The following GPBP1 variants were observed in gnomAD, a reference collection of about 807,000 sequenced individuals.
GPBP1 encodes the protein vasculin.
In GPBP1, 13 loss-of-function variants were observed where a neutral mutation model predicts 56.5. The observed-to-expected ratio is 0.23, with a 90% CI of 0.15 to 0.37. The LOEUF is 0.37. Among genes scored for constraint, GPBP1 ranks in the 10% least tolerant of loss-of-function variants. GPBP1 has a pLI of 1.00. For missense variants in GPBP1, 477 were observed against 572.3 expected (o/e 0.83, Z 1.70); for synonymous variants, 204 against 188.9 (o/e 1.08, Z -0.66).
intron 2 of GPBP1, among the ~76,000 whole-genome samples, chr5:57,190,722 T>C (rs1401535066): frequency 5.2e-4 from 66 of 126,606 alleles, no homozygotes; most frequent in South Asian, 1.3e-3. Flanking sequence ...TTTTTTTTTT[T>C]CCTGAGACAA....
intron 3 of GPBP1, among the ~76,000 whole-genome samples, chr5:57,214,978 A>G (rs1755643446): frequency 6.6e-6 from 1 of 152,240 alleles, no homozygotes; most frequent in African/African-American, 2.4e-5. Context: ...ATTAGTTAAC[A>G]AGTCAGTTTT....
At position 57,246,333 on chromosome 5, in the gene GPBP1, G is replaced by A. The variant is rs1278263827; in HGVS notation, c.512G>A (p.Arg171Lys). ...YPPNPKSRAP[R>K]MLVIKKGNTK... is the part of the protein sequence containing the mutation. ...CCGAATCCTAAATCTAGAGCTCCAA[G>A]GATGCTGGTCATTAAGAAAGGTAAT... The change falls in exon 7 of 12, where the codon AGG becomes AAG. Residue 171 changes from arginine to lysine, a missense_variant. Physicochemically the swap from Arg to Lys is conservative, Grantham distance 26. Transcript: ENST00000506184. The A allele has an allele frequency of 1.9e-6, 3 of 1,613,422 alleles. No homozygotes were observed. The highest frequency in any genetic ancestry group is 1.7e-6 in the Non-Finnish European group (2 of 1,179,714).
chr5:57,237,048 T>TAGA, intron 6 of GPBP1: 1 of 1,161,340 alleles, frequency 8.6e-7, no homozygotes. Context: ...ACACTTTTGT[T>TAGA]AGAACCATGT....
chr5:57,194,693 A>G (rs1021743784), intron 2 of GPBP1, among the ~76,000 whole-genome samples: 1 of 152,014 alleles, frequency 6.6e-6, no homozygotes, highest in Admixed American at 6.6e-5. Context: ...TCTAGTAACC[A>G]TTATTCTCCT....
chr5:57,184,424 G>C (rs776710574), intron 2 of GPBP1, among the ~76,000 whole-genome samples: 2 of 152,012 alleles, frequency 1.3e-5, no homozygotes, highest in African/African-American at 4.8e-5. Context: ...GCCTCAGGGA[G>C]CTTACAATAA....
At chr5:57,239,176 A>C (rs549777730) in intron 6 of GPBP1, among the ~76,000 whole-genome samples, 89 of 152,334 alleles carry the variant, frequency 5.8e-4, no homozygotes, top group African/African-American at 2.0e-3. Context: ...ATAGTGTTTT[A>C]AGAAAAAAGT....
At chr5:57,252,269 G>T (rs1361945764) in intron 10 of GPBP1, among the ~76,000 whole-genome samples, 1 of 151,942 alleles carries the variant, frequency 6.6e-6, no homozygotes, top group African/African-American at 2.4e-5. Context: ...CTATTGAAGG[G>T]CAGAAAGTTT....
At chr5:57,246,595 C>A in intron 7 of GPBP1, 111 bp downstream of exon 7, 1 of 813,054 alleles carries the variant, frequency 1.2e-6, no homozygotes, top group Non-Finnish European at 1.9e-6. Flanking sequence ...TCGTGGGGTG[C>A]TGAGTTCTAG....
rs142069187 is a variant in GPBP1 at position 57,246,467 on chromosome 5, G to T, written c.646G>T (p.Ala216Ser). The change falls in exon 7 of 12, where the codon GCT becomes TCT. Residue 216 changes from alanine to serine, a missense_variant. Coordinates refer to ENST00000506184, the MANE Select transcript of GPBP1 (RefSeq NM_022913.4). ...TTATAAAGGTTTAGTCCCTAAACCT[G>T]CTGCTCCACCTACAAAAGTAAGTTC... ...SVYKGLVPKP[A>S]APPTKPTQWK... 1.3e-6 allele frequency: 2 copies of T among 1,594,650 alleles called. No individual in the cohort carries two copies. Among genetic ancestry groups the T allele is most frequent in the Non-Finnish European group, 1.7e-6 (2 of 1,172,298 alleles).
intron 2 of GPBP1, among the ~76,000 whole-genome samples, chr5:57,196,425 C>T (rs937339136): frequency 1.6e-4 from 24 of 152,138 alleles, no homozygotes; most frequent in African/African-American, 5.1e-4. Flanking sequence ...GTGGATTTCA[C>T]ATTTGGTAAT....
At chr5:57,217,440 T>C (rs1300683504) in intron 3 of GPBP1, among the ~76,000 whole-genome samples, 2 of 152,098 alleles carry the variant, frequency 1.3e-5, no homozygotes, top group East Asian at 3.9e-4. Context: ...GGTGTGGTGG[T>C]GCATACCTTA....
rs1189708161 is a variant in GPBP1, at chr5:57,250,885, TA to T, written c.973-65del. The T allele has an allele frequency of 8.4e-6, 9 of 1,066,350 alleles. No homozygotes were observed. In the South Asian group the frequency reaches 1.2e-4, roughly 14 times the overall value. 66.1% of individuals were successfully genotyped at this position (1,066,350 alleles called of 1,614,324 possible). A position where few individuals can be genotyped will look rare whatever the true frequency, so the allele number is the denominator to read the frequency against. The stretch of plus-strand genomic sequence containing the variant: ...CAATGGAAGCTTAGTTAGGATCTAT[TA>T]AAAGTTTTTAATAACTGTATTCTGT... On this transcript the variant is annotated intron_variant, in intron 9 of 11. Coordinates refer to ENST00000506184, the MANE Select transcript of GPBP1 (RefSeq NM_022913.4).
intron 2 of GPBP1, among the ~76,000 whole-genome samples, chr5:57,206,008 C>A (rs1755217264): frequency 6.6e-6 from 1 of 152,142 alleles, no homozygotes; most frequent in African/African-American, 2.4e-5. Context: ...TCAAGTGATC[C>A]TCCTGCCTTG....
rs1238091321 is a variant in GPBP1, at chr5:57,249,743, G to T, written c.972+167G>T. ...TTCTCCCCTCCTCTCTCCTTTTCTC[G>T]CCTCCCCCCTTCCCCCTCCCCCTTC... On this transcript the variant is annotated intron_variant, in intron 9 of 11. Transcript: ENST00000506184. Among the ~76,000 whole-genome samples the T allele has an allele frequency of 2.8e-4, 31 of 109,410 alleles. No individual in the cohort carries two copies. The Admixed American group carries it at 2.9e-3, about 10-fold the overall frequency. 71.8% of individuals were successfully genotyped at this position (109,410 alleles called of 152,430 possible). A position where few individuals can be genotyped will look rare whatever the true frequency, so the allele number is the denominator to read the frequency against.
chr5:57,246,361 A>C lies in GPBP1; in HGVS notation c.540A>C (p.Thr180=). 6.2e-7 allele frequency: 1 copy of C among 1,613,850 alleles called. No homozygotes were observed. Among genetic ancestry groups the C allele is most frequent in the South Asian group, 1.1e-5 (1 of 91,070 alleles). Reference sequence around the variant, plus strand: ...TGCTGGTCATTAAGAAAGGTAATACAAAAGACTTACAGCTATCTGGATTCC... The same window carrying C: ...TGCTGGTCATTAAGAAAGGTAATACCAAAGACTTACAGCTATCTGGATTCC... ...PRMLVIKKGN[T]KDLQLSGFPV... The change falls in exon 7 of 12, where the codon ACA becomes ACC. Residue 180 remains threonine, a synonymous_variant. Coordinates refer to ENST00000506184, the MANE Select transcript of GPBP1 (RefSeq NM_022913.4).
At chr5:57,177,253 T>C (rs930927851) in intron 2 of GPBP1, among the ~76,000 whole-genome samples, 6 of 152,208 alleles carry the variant, frequency 3.9e-5, no homozygotes, top group Non-Finnish European at 8.8e-5. Context: ...TTAATGTTTG[T>C]ATTTTTCAGG....
intron 2 of GPBP1, among the ~76,000 whole-genome samples, chr5:57,200,516 C>G (rs983775664): frequency 6.6e-6 from 1 of 151,262 alleles, no homozygotes; most frequent in East Asian, 2.0e-4. Flanking sequence ...TACAGGCATG[C>G]GCCACCATGG....
chr5:57,251,553 T>G (rs1741389257), intron 10 of GPBP1, among the ~76,000 whole-genome samples: 1 of 151,874 alleles, frequency 6.6e-6, no homozygotes, highest in Non-Finnish European at 1.5e-5. Context: ...CATCAGTTGA[T>G]GAATATTAGT....
Position 57,231,335 on chromosome 5 carries a change from G to T in GPBP1, c.411+14G>T. ...GCTGAGGATTTTGTAAGTTTTTTAT[G>T]ACTTTTATACAAATGAAGTTTCTGT... On this transcript the variant is annotated intron_variant, in intron 5 of 11. Coordinates refer to ENST00000506184, the MANE Select transcript of GPBP1 (RefSeq NM_022913.4). 6.3e-7 allele frequency: 1 copy of T among 1,593,706 alleles called. No homozygotes were observed. The highest frequency in any genetic ancestry group is 1.1e-5 in the South Asian group (1 of 89,632).
Sources: allele counts gnomAD v4.1 joint callset (sites outside exome capture counted in the v4.1 genomes callset), GRCh38; gene constraint gnomAD v4.1.1; transcripts MANE v1.5; gene names NCBI Gene and HGNC (gene_info 2026-07-23, HGNC 2026-07-21).